PRKG1: variants seen among roughly 807,000 people sequenced by gnomAD.
PRKG1 encodes the protein cGMP-dependent protein kinase 1.
A neutral mutation model predicts 88.1 loss-of-function variants in PRKG1; 35 were observed. That is an observed-to-expected ratio of 0.40 (90% CI 0.30 to 0.53). PRKG1 has a LOEUF of 0.53. PRKG1 is among the 20% of genes least tolerant of loss of function. The pLI, the probability that PRKG1 is intolerant of heterozygous loss-of-function variation, is 0.59. For missense variants in PRKG1, 540 were observed against 839.8 expected, an observed-to-expected ratio of 0.64 and a Z score of 4.41; for synonymous variants, 303 against 292.5, an observed-to-expected ratio of 1.04 and a Z score of -0.37.
At chr10:51,202,565 C>T (rs1348112563) in intron 2 of PRKG1, among the ~76,000 whole-genome samples, 1 of 152,194 alleles carries the variant, frequency 6.6e-6, no homozygotes, top group Non-Finnish European at 1.5e-5. Flanking sequence ...GACATAGACT[C>T]TTCTAAAGGA....
At chr10:51,232,972 A>G (rs1589264999) in intron 2 of PRKG1, among the ~76,000 whole-genome samples, 1 of 152,360 alleles carries the variant, frequency 6.6e-6, no homozygotes, top group African/African-American at 2.4e-5. Flanking sequence ...AAGAATTTGA[A>G]CAAAGTGGGC....
intron 4 of PRKG1, among the ~76,000 whole-genome samples, chr10:51,857,334 C>A (rs1282377509): frequency 6.6e-6 from 1 of 152,172 alleles, no homozygotes; most frequent in East Asian, 1.9e-4. Context: ...ACAACTAATT[C>A]TAATACTAAT....
At chr10:51,861,884 G>A (rs999118724) in intron 4 of PRKG1, among the ~76,000 whole-genome samples, 2 of 152,144 alleles carry the variant, frequency 1.3e-5, no homozygotes, top group African/African-American at 2.4e-5. Context: ...TGCTGGACTC[G>A]TTCAACCCAC....
At chr10:51,847,382 T>C (rs1840426697) in intron 4 of PRKG1, among the ~76,000 whole-genome samples, 2 of 152,114 alleles carry the variant, frequency 1.3e-5, no homozygotes, top group African/African-American at 4.8e-5. Flanking sequence ...AAGGGAGTGA[T>C]TGGCAGGGAA....
At chr10:51,331,168 C>G (rs1049063096) in intron 2 of PRKG1, among the ~76,000 whole-genome samples, 3 of 152,038 alleles carry the variant, frequency 2.0e-5, no homozygotes, top group African/African-American at 7.3e-5. Context: ...CCACTACAGC[C>G]CACCCAGTAC....
intron 2 of PRKG1, among the ~76,000 whole-genome samples, chr10:51,461,093 G>A (rs1173272818): frequency 6.6e-6 from 1 of 152,064 alleles, no homozygotes; most frequent in African/African-American, 2.4e-5. Flanking sequence ...TAGTTCATAT[G>A]CAATATGTAT....
At chr10:51,507,759 G>C (rs776002100) in intron 3 of PRKG1, among the ~76,000 whole-genome samples, 5 of 152,062 alleles carry the variant, frequency 3.3e-5, no homozygotes, top group Non-Finnish European at 7.4e-5. Flanking sequence ...GATGTCGATG[G>C]AGCACTTTGG....
At chr10:51,391,426 A>C (rs866777397) in intron 2 of PRKG1, among the ~76,000 whole-genome samples, 22 of 152,160 alleles carry the variant, frequency 1.4e-4, no homozygotes, top group Non-Finnish European at 1.8e-4. Flanking sequence ...GTTTCTCTCT[A>C]TGTTTAAGTT....
intron 5 of PRKG1, among the ~76,000 whole-genome samples, chr10:51,920,322 AAGT>A (rs1216914816): frequency 2.0e-5 from 3 of 152,162 alleles, no homozygotes; most frequent in African/African-American, 7.2e-5. Flanking sequence ...ACTTTTGTAG[AAGT>A]TGTTGATTTT....
rs1459118632 is a variant in PRKG1, at chr10:51,746,493, G to A, written c.593-58092G>A. On this transcript the variant is annotated intron_variant, in intron 3 of 17. Coordinates refer to ENST00000373980, the MANE Select transcript of PRKG1 (RefSeq NM_006258.4). ...CCTTAGCACTTTGGGAGGCCGAGGC[G>A]GGCAGATTGCTTTAGGTCAGGAGTT... 2.0e-5 allele frequency among the ~76,000 whole-genome samples: 3 copies of A among 151,834 alleles called. No individual in the cohort carries two copies. In the South Asian group the frequency reaches 6.2e-4, roughly 31 times the overall value.
rs144489878 is a variant in PRKG1 at position 51,988,961 on chromosome 10, AC to A, written c.763-65521del. Among the ~76,000 whole-genome samples the A allele has an allele frequency of 3.0e-3, 458 of 152,136 alleles. 17 individuals carry two copies. The East Asian group carries it at 0.08, about 27-fold the overall frequency. Reference sequence around the variant, plus strand: ...TTAAGAAATACTTCCCTATTCAGACACCATAAAGCTATTTCATGTTTTCTTC... The same window carrying A: ...TTAAGAAATACTTCCCTATTCAGACACATAAAGCTATTTCATGTTTTCTTC... On this transcript the variant is annotated intron_variant, in intron 5 of 17. Transcript: ENST00000373980.
intron 9 of PRKG1, among the ~76,000 whole-genome samples, chr10:52,201,022 T>C (rs1047867089): frequency 6.6e-6 from 1 of 152,212 alleles, no homozygotes; most frequent in African/African-American, 2.4e-5. Flanking sequence ...ACTCTATTGA[T>C]AGTTTCTTTT....
intron 7 of PRKG1, among the ~76,000 whole-genome samples, chr10:52,113,331 T>C (rs1564474194): frequency 2.0e-5 from 3 of 152,124 alleles, no homozygotes; most frequent in East Asian, 1.9e-4. Context: ...GTGTTTAATA[T>C]GGCTTCTTAC....
intron 14 of PRKG1, among the ~76,000 whole-genome samples, chr10:52,286,852 C>T (rs1016930887): frequency 2.6e-4 from 39 of 151,662 alleles, no homozygotes; most frequent in African/African-American, 8.9e-4. Flanking sequence ...AAAATTAAAT[C>T]GAATACTTCT....
intron 2 of PRKG1, among the ~76,000 whole-genome samples, chr10:51,356,465 T>A (rs1842369078): frequency 6.6e-6 from 1 of 152,002 alleles, no homozygotes; most frequent in Non-Finnish European, 1.5e-5. Context: ...TTCTTTATGC[T>A]ATTGGCCCTA....
chr10:51,069,243 T>C (rs1310013900), intron 1 of PRKG1, among the ~76,000 whole-genome samples: 1 of 152,074 alleles, frequency 6.6e-6, no homozygotes, highest in East Asian at 1.9e-4. Flanking sequence ...ATTAATGGTT[T>C]ATTATTTTTT....
At chr10:51,895,594 A>G (rs1841825098) in intron 4 of PRKG1, among the ~76,000 whole-genome samples, 2 of 152,152 alleles carry the variant, frequency 1.3e-5, no homozygotes, top group Non-Finnish European at 2.9e-5. Flanking sequence ...TGAAAATGCT[A>G]GGGATCCATC....
chr10:51,979,977 C>G (rs904678294), intron 5 of PRKG1, among the ~76,000 whole-genome samples: 2 of 152,038 alleles, frequency 1.3e-5, no homozygotes, highest in Non-Finnish European at 2.9e-5. Context: ...GTCCCAGTCT[C>G]CATCAATTCA....
At chr10:51,704,743 G>A (rs1841563920) in intron 3 of PRKG1, among the ~76,000 whole-genome samples, 1 of 152,168 alleles carries the variant, frequency 6.6e-6, no homozygotes, top group Non-Finnish European at 1.5e-5. Flanking sequence ...GAGAGTTGGT[G>A]AGGAGTGTGA....
Sources: gnomAD v4.1 joint callset for allele counts (sites outside exome capture counted in the v4.1 genomes callset) on GRCh38, gnomAD v4.1.1 for gene constraint, MANE v1.5 for transcripts, NCBI Gene and HGNC (gene_info 2026-07-23, HGNC 2026-07-21) for gene names.